P3H2: variants seen among roughly 807,000 people sequenced by gnomAD.
The protein encoded by P3H2 is prolyl 3-hydroxylase 2.
Under a neutral mutation model 87.0 loss-of-function variants are expected in P3H2, and 80 were observed. That is an observed-to-expected ratio of 0.92 (90% CI 0.77 to 1.11). P3H2 has a LOEUF of 1.11. P3H2 is among the 50% of genes least tolerant of loss of function. The probability of loss-of-function intolerance (pLI) is 0.00; values close to 1 mark genes in which losing one functional copy is unlikely to be tolerated. For missense variants in P3H2, 1,001 were observed against 923.9 expected (o/e 1.08, Z -1.08); for synonymous variants, 367 against 359.3 (o/e 1.02, Z -0.24).
At chr3:190,083,579 T>C (rs1203480109) in intron 1 of P3H2, among the ~76,000 whole-genome samples, 2 of 152,124 alleles carry the variant, frequency 1.3e-5, no homozygotes, top group African/African-American at 2.4e-5. Context: ...CTTCTGAAAA[T>C]GTGTAATTGT....
At chr3:189,999,392 G>T (rs1724143913) in intron 1 of P3H2, among the ~76,000 whole-genome samples, 2 of 152,158 alleles carry the variant, frequency 1.3e-5, no homozygotes, top group South Asian at 2.1e-4. Context: ...TGCTGCCAGG[G>T]TCTATAAAAT....
intron 1 of P3H2, among the ~76,000 whole-genome samples, chr3:190,034,888 GC>G (rs1430028019): frequency 8.6e-6 from 1 of 116,044 alleles, no homozygotes; most frequent in Admixed American, 1.0e-4. Context: ...TCACTCTGTT[GC>G]CCAGGCAGGA....
chr3:190,013,945 A>AAAGTAGGTGT (rs1724673301), intron 1 of P3H2, among the ~76,000 whole-genome samples: 1 of 152,180 alleles, frequency 6.6e-6, no homozygotes, highest in African/African-American at 2.4e-5. Flanking sequence ...AAGTAGGAAA[A>AAAGTAGGTGT]AAGTAGGTGT....
chr3:190,081,064 T>TACAA (rs1727027196), intron 1 of P3H2, among the ~76,000 whole-genome samples: 2 of 152,240 alleles, frequency 1.3e-5, no homozygotes, highest in Non-Finnish European at 2.9e-5. Flanking sequence ...TTCTCTTTGT[T>TACAA]AGTGTCTCCA....
At chr3:189,972,743 GC>G in intron 11 of P3H2, 130 bp downstream of exon 11, 1 of 944,192 alleles carries the variant, frequency 1.1e-6, no homozygotes, top group Non-Finnish European at 1.7e-6. Context: ...GAGTTCATAA[GC>G]TACTTTTGTT....
chr3:189,977,553 C>T (rs1723388556), intron 8 of P3H2, among the ~76,000 whole-genome samples: 1 of 152,276 alleles, frequency 6.6e-6, no homozygotes, highest in Admixed American at 6.5e-5. Context: ...TGGATATTTT[C>T]ATAAGCTGCT....
At chr3:190,046,314 G>A (rs1370300003) in intron 1 of P3H2, among the ~76,000 whole-genome samples, 3 of 152,086 alleles carry the variant, frequency 2.0e-5, no homozygotes, top group Non-Finnish European at 4.4e-5. Flanking sequence ...TTGAATAAAC[G>A]TCTTAAAGAT....
Position 190,045,578 on chromosome 3 carries a change from C to G in P3H2, c.481-50136G>C, listed in dbSNP as rs183217846. Among the ~76,000 whole-genome samples, 5 of 152,206 alleles carry G rather than the reference C, an allele frequency of 3.3e-5. No individual in the cohort carries two copies. The East Asian group carries it at 7.7e-4, about 24-fold the overall frequency. ...CAGCTACAGAGCTGTGATGTGTCAACTTAACTAGACTACAGTCCCCAAACA... is the reference window on the plus strand; with the variant it reads ...CAGCTACAGAGCTGTGATGTGTCAAGTTAACTAGACTACAGTCCCCAAACA... On this transcript the variant is annotated intron_variant, in intron 1 of 14. Coordinates refer to ENST00000319332, the MANE Select transcript of P3H2 (RefSeq NM_018192.4).
At chr3:189,958,925 G>A (rs1394807663) in intron 14 of P3H2, among the ~76,000 whole-genome samples, 2 of 151,666 alleles carry the variant, frequency 1.3e-5, no homozygotes, top group African/African-American at 4.8e-5. Flanking sequence ...CCGACCTCAG[G>A]TGATCCACCC....
At chr3:190,084,661 A>C (rs945441891) in intron 1 of P3H2, among the ~76,000 whole-genome samples, 2 of 152,220 alleles carry the variant, frequency 1.3e-5, no homozygotes, top group Admixed American at 6.5e-5. Flanking sequence ...TTATTGTATA[A>C]AAATAAACCA....
intron 1 of P3H2, among the ~76,000 whole-genome samples, chr3:190,003,533 A>G (rs1270479861): frequency 1.3e-5 from 2 of 152,192 alleles, no homozygotes; most frequent in East Asian, 3.9e-4. Flanking sequence ...TTAGCCAGAA[A>G]TAAGTGTGTG....
At chr3:190,025,308 GC>G (rs1266336929) in intron 1 of P3H2, among the ~76,000 whole-genome samples, 1 of 151,670 alleles carries the variant, frequency 6.6e-6, no homozygotes. Context: ...TCTTTCGCAG[GC>G]TAAAAAAACC....
At chr3:190,029,106 A>G (rs935191939) in intron 1 of P3H2, among the ~76,000 whole-genome samples, 3 of 152,164 alleles carry the variant, frequency 2.0e-5, no homozygotes, top group African/African-American at 7.2e-5. Flanking sequence ...TCTTAAGACA[A>G]TATTTGATTA....
chr3:189,998,327 A>G (rs1238121961), intron 1 of P3H2, among the ~76,000 whole-genome samples: 1 of 152,184 alleles, frequency 6.6e-6, no homozygotes, highest in Non-Finnish European at 1.5e-5. Context: ...ACACAAATAA[A>G]TATTTATGTT....
chr3:190,110,039 G>A (rs1387289021), intron 1 of P3H2, among the ~76,000 whole-genome samples: 2 of 151,680 alleles, frequency 1.3e-5, no homozygotes, highest in Non-Finnish European at 2.9e-5. Context: ...AGTAGAGTTG[G>A]GGTTTCACCA....
At chr3:190,060,766 G>A (rs116553933) in intron 1 of P3H2, among the ~76,000 whole-genome samples, 138 of 152,168 alleles carry the variant, frequency 9.1e-4, no homozygotes, top group African/African-American at 3.2e-3. Flanking sequence ...AAGAACTTCT[G>A]AGAATAAAAA....
At chr3:190,025,344 T>C (rs1190510254) in intron 1 of P3H2, among the ~76,000 whole-genome samples, 1 of 152,212 alleles carries the variant, frequency 6.6e-6, no homozygotes, top group Non-Finnish European at 1.5e-5. Context: ...CTCAATTACT[T>C]TTTAAATTCT....
chr3:190,079,208 G>C (rs1726964426), intron 1 of P3H2, among the ~76,000 whole-genome samples: 1 of 152,060 alleles, frequency 6.6e-6, no homozygotes, highest in South Asian at 2.1e-4. Flanking sequence ...GGGCAGGGTG[G>C]TGCATTCCTA....
chr3:190,089,096 G>T (rs1727322514), intron 1 of P3H2, among the ~76,000 whole-genome samples: 1 of 152,152 alleles, frequency 6.6e-6, no homozygotes, highest in African/African-American at 2.4e-5. Context: ...TTATCTCCTA[G>T]GGCCAGCATT....
Sources: gnomAD v4.1 joint callset for allele counts (sites outside exome capture counted in the v4.1 genomes callset) on GRCh38, gnomAD v4.1.1 for gene constraint, MANE v1.5 for transcripts, NCBI Gene and HGNC (gene_info 2026-07-23, HGNC 2026-07-21) for gene names.